CDK14: variants seen among roughly 807,000 people sequenced by gnomAD.
The protein encoded by CDK14 is cyclin-dependent kinase 14.
CDK14 carries 34 observed loss-of-function variants against 60.7 expected under a neutral mutation model. The ratio of observed to expected loss-of-function variants is 0.56; its 90% CI spans 0.43 to 0.75. The LOEUF is 0.75. Ranked by LOEUF, CDK14 falls within the 30% of genes least tolerant of loss-of-function variation. The pLI is 0.00. For missense variants in CDK14, 482 were observed against 564.1 expected (o/e 0.85, Z 1.47); for synonymous variants, 197 against 203.7 (o/e 0.97, Z 0.28).
At chr7:91,190,072 A>T (rs1358773946) in intron 14 of CDK14, among the ~76,000 whole-genome samples, 1 of 152,250 alleles carries the variant, frequency 6.6e-6, no homozygotes, top group East Asian at 1.9e-4. Context: ...CAAAATAGAC[A>T]TGACAGACAT....
chr7:90,687,051 T>C (rs1801453550), intron 2 of CDK14, among the ~76,000 whole-genome samples: 1 of 152,162 alleles, frequency 6.6e-6, no homozygotes, highest in Admixed American at 6.5e-5. Context: ...GATTGAATTT[T>C]TTTTTTAAGC....
At chr7:90,617,958 T>A (rs1799687992) in intron 2 of CDK14, among the ~76,000 whole-genome samples, 1 of 152,232 alleles carries the variant, frequency 6.6e-6, no homozygotes, top group Non-Finnish European at 1.5e-5. Context: ...TTAACTAGCA[T>A]GTTCTGAAAA....
intron 4 of CDK14, among the ~76,000 whole-genome samples, chr7:90,782,258 C>G (rs1805363209): frequency 6.6e-6 from 1 of 152,120 alleles, no homozygotes; most frequent in Admixed American, 6.5e-5. Context: ...GATTTTTGCA[C>G]ATTGATTTTA....
intron 5 of CDK14, among the ~76,000 whole-genome samples, chr7:90,860,153 A>C (rs916833472): frequency 1.4e-4 from 21 of 152,090 alleles, no homozygotes; most frequent in Non-Finnish European, 1.2e-4. Context: ...TGAGTGTATA[A>C]ATGCTCATAT....
At chr7:90,706,401 T>G (rs1174246326) in intron 2 of CDK14, among the ~76,000 whole-genome samples, 4 of 152,176 alleles carry the variant, frequency 2.6e-5, no homozygotes, top group Non-Finnish European at 5.9e-5. Flanking sequence ...TTGTTTGAAC[T>G]TCTGTCATCA....
At chr7:90,786,692 G>A (rs560214033) in intron 4 of CDK14, among the ~76,000 whole-genome samples, 52 of 152,158 alleles carry the variant, frequency 3.4e-4, no homozygotes, top group African/African-American at 1.2e-3. Flanking sequence ...TGAGGCAAGA[G>A]GATCACTTGA....
chr7:91,045,924 T>A lies in CDK14; in HGVS notation c.1069T>A (p.Trp357Arg). ...TCTTGGAACACCAAATGAGGACACATGGCCTGGAGTTCATTCTTTACCACA... is the reference window on the plus strand; with the variant it reads ...TCTTGGAACACCAAATGAGGACACAAGGCCTGGAGTTCATTCTTTACCACA... ...LVLGTPNEDTWPGVHSLPHFK... is the reference protein window; with the variant it reads ...LVLGTPNEDTRPGVHSLPHFK... The change falls in exon 11 of 15, where the codon TGG becomes AGG. Residue 357 changes from tryptophan (W) to arginine (R), a missense_variant. Transcript: ENST00000380050. The A allele has an allele frequency of 6.2e-7, 1 of 1,611,610 alleles. No individual in the cohort carries two copies. Among genetic ancestry groups the A allele is most frequent in the Non-Finnish European group, 8.5e-7 (1 of 1,177,802 alleles).
intron 12 of CDK14, among the ~76,000 whole-genome samples, chr7:91,102,408 G>T (rs1050175860): frequency 6.6e-6 from 1 of 152,082 alleles, no homozygotes; most frequent in African/African-American, 2.4e-5. Context: ...ATGGAATTTT[G>T]TATCTCCATT....
chr7:91,161,427 G>A (rs1801165499), intron 14 of CDK14, among the ~76,000 whole-genome samples: 1 of 152,176 alleles, frequency 6.6e-6, no homozygotes. Context: ...TGAGTGGTGA[G>A]GTTACTAAAA....
At chr7:90,675,156 C>T (rs574551579) in intron 2 of CDK14, among the ~76,000 whole-genome samples, 1 of 152,278 alleles carries the variant, frequency 6.6e-6, no homozygotes, top group South Asian at 2.1e-4. Flanking sequence ...ATTTTGCCCA[C>T]TCAACCTTTC....
chr7:91,175,599 A>G (rs1801711860), intron 14 of CDK14, among the ~76,000 whole-genome samples: 1 of 151,824 alleles, frequency 6.6e-6, no homozygotes, highest in African/African-American at 2.4e-5. Flanking sequence ...GCTCAAAATA[A>G]AAGGATGGAG....
Position 91,155,446 on chromosome 7 carries a change from T to G in CDK14, c.*28+37238T>G, listed in dbSNP as rs529966393. Among the ~76,000 whole-genome samples the G allele has an allele frequency of 2.9e-3, 444 of 152,372 alleles. 1 individual carries two copies. Among genetic ancestry groups the G allele is most frequent in the Non-Finnish European group, 5.7e-3 (387 of 68,044 alleles). The stretch of plus-strand genomic sequence containing the variant: ...ATTTTTTTCCTAGCTTCTCAAAACT[T>G]TCTTTGTGAATTTTAGTCACTATGT... On this transcript the variant is annotated intron_variant, in intron 14 of 14. Transcript: ENST00000380050.
chr7:91,079,784 G>A (rs1798431775), intron 12 of CDK14, among the ~76,000 whole-genome samples: 1 of 152,126 alleles, frequency 6.6e-6, no homozygotes, highest in Non-Finnish European at 1.5e-5. Context: ...CAGCAACATA[G>A]CATTTAGAAA....
At chr7:90,804,504 A>G (rs1395549179) in intron 5 of CDK14, among the ~76,000 whole-genome samples, 1 of 152,180 alleles carries the variant, frequency 6.6e-6, no homozygotes, top group Non-Finnish European at 1.5e-5. Flanking sequence ...AAAATTTTGT[A>G]AATGGAAGAT....
intron 14 of CDK14, among the ~76,000 whole-genome samples, chr7:91,143,135 T>C (rs1333991522): frequency 1.3e-5 from 2 of 152,100 alleles, no homozygotes; most frequent in South Asian, 2.1e-4. Context: ...GAAGACTAGG[T>C]GGGATATTTA....
chr7:90,694,738 A>C (rs1801621702), intron 2 of CDK14, among the ~76,000 whole-genome samples: 1 of 152,224 alleles, frequency 6.6e-6, no homozygotes, highest in African/African-American at 2.4e-5. Flanking sequence ...AAGTGTTCTT[A>C]AACTGAAGAG....
At chr7:90,828,343 T>C (rs1789794848) in intron 5 of CDK14, among the ~76,000 whole-genome samples, 1 of 152,206 alleles carries the variant, frequency 6.6e-6, no homozygotes, top group South Asian at 2.1e-4. Flanking sequence ...TTGACACCAT[T>C]TTGTATAGTC....
intron 10 of CDK14, among the ~76,000 whole-genome samples, chr7:91,027,243 G>A (rs1796600252): frequency 6.6e-6 from 1 of 152,162 alleles, no homozygotes; most frequent in South Asian, 2.1e-4. Flanking sequence ...AACAATCTAA[G>A]CTGGTGCTGA....
At chr7:91,128,255 A>G (rs1361385086) in intron 14 of CDK14, among the ~76,000 whole-genome samples, 1 of 152,212 alleles carries the variant, frequency 6.6e-6, no homozygotes, top group Non-Finnish European at 1.5e-5. Flanking sequence ...GTGAATAGGA[A>G]TCTTAAAACC....
Sources: gnomAD v4.1 joint callset for allele counts (sites outside exome capture counted in the v4.1 genomes callset) on GRCh38, gnomAD v4.1.1 for gene constraint, MANE v1.5 for transcripts, NCBI Gene and HGNC (gene_info 2026-07-23, HGNC 2026-07-21) for gene names.